The following EBF1 variants were observed in gnomAD, a reference collection of about 807,000 sequenced individuals.
EBF1 encodes transcription factor COE1.
In EBF1, 10 loss-of-function variants were observed where a neutral mutation model predicts 68.4. That is an observed-to-expected ratio of 0.15 (90% CI 0.09 to 0.25). The LOEUF is 0.25. EBF1 is among the 10% of genes least tolerant of loss of function. The pLI is 1.00. For synonymous variants in EBF1, 298 were observed against 299.8 expected (o/e 0.99, Z 0.06); for missense variants, 509 against 794.4 (o/e 0.64, Z 4.32).
intron 6 of EBF1, among the ~76,000 whole-genome samples, chr5:158,840,967 G>A (rs1049374009): frequency 6.6e-6 from 1 of 152,084 alleles, no homozygotes; most frequent in African/African-American, 2.4e-5. Flanking sequence ...CACCGCGCCA[G>A]GCCCTCCTGT....
At chr5:158,751,631 G>A (rs940924253) in intron 10 of EBF1, among the ~76,000 whole-genome samples, 2 of 152,090 alleles carry the variant, frequency 1.3e-5, no homozygotes, top group African/African-American at 2.4e-5. Context: ...CTTAATCTAT[G>A]TCTCAGTCTC....
chr5:159,076,017 A>G (rs1778712765), intron 5 of EBF1, among the ~76,000 whole-genome samples: 1 of 149,342 alleles, frequency 6.7e-6, no homozygotes. Context: ...CCTTTAATCT[A>G]AATTAGGTTT....
Position 158,807,224 on chromosome 5 carries a change from A to G in EBF1, c.779-10749T>C, listed in dbSNP as rs542145447. Among the ~76,000 whole-genome samples the G allele has an allele frequency of 5.3e-5, 8 of 152,252 alleles. No homozygotes were observed. In the East Asian group the frequency reaches 1.5e-3, roughly 29 times the overall value. ...GGAACTGTGCTAGGAACAACGATTA[A>G]TCTCCAATCCCTCCAATGAGGAGCA... is the stretch of plus-strand genomic sequence containing the variant. On this transcript the variant is annotated intron_variant, in intron 8 of 15. Coordinates refer to ENST00000313708, the MANE Select transcript of EBF1 (RefSeq NM_024007.5).
At chr5:158,728,251 C>G (rs76741739) in intron 11 of EBF1, among the ~76,000 whole-genome samples, 1,620 of 152,274 alleles carry the variant, frequency 0.011, 30 homozygotes, top group African/African-American at 0.037. Flanking sequence ...CTGGGGTGGG[C>G]TCCGGCCAGC....
chr5:159,022,140 C>T (rs537833141), intron 6 of EBF1, among the ~76,000 whole-genome samples: 2 of 151,910 alleles, frequency 1.3e-5, no homozygotes, highest in South Asian at 2.1e-4. Context: ...GATTGCCTCG[C>T]TCCTGACTTC....
intron 6 of EBF1, among the ~76,000 whole-genome samples, chr5:158,840,482 T>C (rs998747938): frequency 1.3e-5 from 2 of 152,186 alleles, no homozygotes; most frequent in Non-Finnish European, 1.5e-5. Flanking sequence ...CCCTATAAAC[T>C]CACAGATGAT....
chr5:158,851,903 G>C (rs1364248752), intron 6 of EBF1, among the ~76,000 whole-genome samples: 1 of 11,836 alleles, frequency 8.4e-5, no homozygotes, highest in Non-Finnish European at 1.6e-4. Context: ...GGGGAGGCAG[G>C]GGGGAGGAGA....
In EBF1 at chr5:159,096,962, G is replaced by A. The variant is rs1335730999; in HGVS notation, c.291+12C>T. On this transcript the variant is annotated intron_variant, in intron 2 of 15. Coordinates refer to ENST00000313708, the MANE Select transcript of EBF1 (RefSeq NM_024007.5). Reference sequence around the variant, plus strand: ...GCCGGGGACGAGGGGCGACAGCGCTGCGCCCACTTACTTTTTCCTTCTCCA... The same window carrying A: ...GCCGGGGACGAGGGGCGACAGCGCTACGCCCACTTACTTTTTCCTTCTCCA... 2 of 1,612,854 alleles carry A rather than the reference G, an allele frequency of 1.2e-6. No individual in the cohort carries two copies. Among genetic ancestry groups the A allele is most frequent in the African/African-American group, 1.3e-5 (1 of 74,926 alleles).
rs13357438 is a variant in EBF1, at chr5:158,723,964, C to T, written c.1125+7105G>A. ...CACACACACACAGGAATTCTAAATG[C>T]AATTTCAGGGGTACACAGATCCAGG... On this transcript the variant is annotated intron_variant, in intron 11 of 15. Transcript: ENST00000313708. Among the ~76,000 whole-genome samples the T allele has an allele frequency of 3.6e-3, 543 of 152,144 alleles. 2 individuals are homozygous for T. Among genetic ancestry groups the T allele is most frequent in the African/African-American group, 0.012 (516 of 41,500 alleles).
At position 158,815,331 on chromosome 5, in the gene EBF1, A is replaced by G. The variant is rs77465707; in HGVS notation, c.778+7845T>C. On this transcript the variant is annotated intron_variant, in intron 8 of 15. Transcript: ENST00000313708. ...GACCTAAGGTCAAATTCCAGGTCCAATTCTAATTAGTTCTGCAGCTTTGAG... is the reference window on the plus strand; with the variant it reads ...GACCTAAGGTCAAATTCCAGGTCCAGTTCTAATTAGTTCTGCAGCTTTGAG... Among the ~76,000 whole-genome samples, 450 of 152,268 alleles carry G rather than the reference A, an allele frequency of 3.0e-3. 9 individuals are homozygous for G. The East Asian group carries it at 0.055, about 19-fold the overall frequency.
chr5:158,772,103 A>C (rs1773991036), intron 10 of EBF1, among the ~76,000 whole-genome samples: 2 of 152,164 alleles, frequency 1.3e-5, no homozygotes. Flanking sequence ...TCTTACATAC[A>C]GTGAGCAAAG....
At position 158,727,404 on chromosome 5, in the gene EBF1, C is replaced by T. The variant is rs535465641; in HGVS notation, c.1125+3665G>A. Among the ~76,000 whole-genome samples, 10 of 152,256 alleles carry T rather than the reference C, an allele frequency of 6.6e-5. No homozygotes were observed. In the South Asian group the frequency reaches 8.3e-4, roughly 13 times the overall value. Reference sequence around the variant, plus strand: ...CCAATGTGTCTGGATTGCATCACTGCGGCCATCAGCATCTCAGAATTTCTG... The same window carrying T: ...CCAATGTGTCTGGATTGCATCACTGTGGCCATCAGCATCTCAGAATTTCTG... On this transcript the variant is annotated intron_variant, in intron 11 of 15. Transcript: ENST00000313708.
chr5:158,908,104 T>C lies in EBF1; in HGVS notation c.555-67994A>G, dbSNP rs532316171. ...TGGCAACTGATGAGCAAGGCATAAA[T>C]CCTGAAAAGACTTGTCAGTCGAAAG... On this transcript the variant is annotated intron_variant, in intron 6 of 15. Coordinates refer to ENST00000313708, the MANE Select transcript of EBF1 (RefSeq NM_024007.5). 2.6e-5 allele frequency among the ~76,000 whole-genome samples: 4 copies of C among 152,220 alleles called. No homozygotes were observed. In the South Asian group the frequency reaches 6.2e-4, roughly 24 times the overall value.
At chr5:158,728,254 C>T (rs1011726615) in intron 11 of EBF1, among the ~76,000 whole-genome samples, 3 of 152,190 alleles carry the variant, frequency 2.0e-5, no homozygotes, top group African/African-American at 4.8e-5. Context: ...GGGTGGGCTC[C>T]GGCCAGCCCT....
At chr5:158,855,907 C>G (rs1793909221) in intron 6 of EBF1, among the ~76,000 whole-genome samples, 1 of 152,240 alleles carries the variant, frequency 6.6e-6, no homozygotes, top group Admixed American at 6.5e-5. Context: ...GCTCCAAACA[C>G]ACGCACTTGT....
At chr5:159,088,022 TC>T (rs1781018989) in intron 4 of EBF1, among the ~76,000 whole-genome samples, 1 of 152,046 alleles carries the variant, frequency 6.6e-6, no homozygotes, top group Admixed American at 6.6e-5. Flanking sequence ...CAAGTGAAAC[TC>T]CACCATGGAG....
intron 6 of EBF1, among the ~76,000 whole-genome samples, chr5:159,064,884 C>G (rs1212991272): frequency 2.1e-5 from 3 of 140,418 alleles, no homozygotes; most frequent in Non-Finnish European, 4.6e-5. Flanking sequence ...GAAAAAGAGA[C>G]TGCTCTCTTT....
intron 6 of EBF1, among the ~76,000 whole-genome samples, chr5:158,929,182 T>C (rs1182873700): frequency 7.9e-5 from 12 of 152,122 alleles, no homozygotes; most frequent in African/African-American, 2.9e-4. Context: ...GGCAGACATA[T>C]AATATTAAAA....
intron 8 of EBF1, among the ~76,000 whole-genome samples, chr5:158,810,669 C>T (rs1211010306): frequency 1.3e-5 from 2 of 152,128 alleles, no homozygotes; most frequent in African/African-American, 4.8e-5. Context: ...AACACAGGAG[C>T]ATATGTTCGC....
Sources: gnomAD v4.1 joint callset for allele counts (sites outside exome capture counted in the v4.1 genomes callset) on GRCh38, gnomAD v4.1.1 for gene constraint, MANE v1.5 for transcripts, NCBI Gene and HGNC (gene_info 2026-07-23, HGNC 2026-07-21) for gene names.